Variants in PIK3R4 observed in about 807,000 individuals in gnomAD.
PIK3R4 encodes phosphoinositide-3-kinase regulatory subunit 4, also known as phosphoinositide 3-kinase regulatory subunit 4.
In PIK3R4, 46 loss-of-function variants were observed where a neutral mutation model predicts 136.5. The ratio of observed to expected loss-of-function variants is 0.34; its 90% confidence interval spans 0.27 to 0.43. PIK3R4 has a LOEUF of 0.43. Among genes scored for constraint, PIK3R4 ranks in the 20% least tolerant of loss-of-function variants. The pLI is 1.00. For missense variants in PIK3R4, 1,331 were observed against 1,649.5 expected, an observed-to-expected ratio of 0.81 and a Z score of 3.35; for synonymous variants, 557 against 566.7, an observed-to-expected ratio of 0.98 and a Z score of 0.24.
intron 9 of PIK3R4, among the ~76,000 whole-genome samples, chr3:130,712,560 C>A (rs2066638289): frequency 6.6e-6 from 1 of 151,810 alleles, no homozygotes; most frequent in African/African-American, 2.4e-5. Flanking sequence ...ACCAGCTACT[C>A]AGGGGGCTGA....
intron 7 of PIK3R4, among the ~76,000 whole-genome samples, chr3:130,720,403 C>T (rs990674293): frequency 6.6e-6 from 1 of 152,286 alleles, no homozygotes; most frequent in African/African-American, 2.4e-5. Flanking sequence ...CCATGTTGAT[C>T]AGGCTGGTCT....
intron 7 of PIK3R4, 112 bp downstream of exon 7, chr3:130,723,302 G>A: frequency 2.3e-6 from 2 of 862,840 alleles, no homozygotes; most frequent in Non-Finnish European, 3.6e-6. Context: ...ATCAATAGTA[G>A]GAACCCCACA....
intron 13 of PIK3R4, among the ~76,000 whole-genome samples, chr3:130,700,000 T>C (rs535382268): frequency 3.9e-4 from 60 of 152,314 alleles, no homozygotes; most frequent in African/African-American, 1.4e-3. Context: ...TCAATGGCAT[T>C]ATGAGGTTTT....
intron 16 of PIK3R4, among the ~76,000 whole-genome samples, chr3:130,682,848 GC>G (rs1180420595): frequency 2.0e-5 from 3 of 152,168 alleles, no homozygotes; most frequent in African/African-American, 7.2e-5. Context: ...CAGAGAGGTG[GC>G]AAGAAGGCCG....
chr3:130,731,228 A>T (rs1215558968), intron 4 of PIK3R4, among the ~76,000 whole-genome samples: 1 of 152,130 alleles, frequency 6.6e-6, no homozygotes, highest in African/African-American at 2.4e-5. Context: ...CAACCGGTCA[A>T]AGACTGTACT....
chr3:130,727,139 A>G (rs1396627018), intron 6 of PIK3R4, among the ~76,000 whole-genome samples: 1 of 152,218 alleles, frequency 6.6e-6, no homozygotes, highest in African/African-American at 2.4e-5. Context: ...CTGTTGCCAC[A>G]TAGGTTTCTT....
At chr3:130,680,351 G>GT (rs1005670777) in intron 19 of PIK3R4, among the ~76,000 whole-genome samples, 21 of 152,100 alleles carry the variant, frequency 1.4e-4, no homozygotes, top group African/African-American at 4.6e-4. Flanking sequence ...TTTTTCATTT[G>GT]TAAGAGGATA....
intron 9 of PIK3R4, among the ~76,000 whole-genome samples, chr3:130,711,082 A>C (rs1295924310): frequency 6.6e-6 from 1 of 152,106 alleles, no homozygotes; most frequent in Non-Finnish European, 1.5e-5. Context: ...AGTTATGGTA[A>C]CTAAGAAAGT....
rs2066770456 is a variant in PIK3R4, at chr3:130,733,641, G to A, written c.1357C>T (p.Arg453Cys). 6 of 1,613,992 alleles carry A rather than the reference G, an allele frequency of 3.7e-6. No individual in the cohort carries two copies. Among genetic ancestry groups the A allele is most frequent in the East Asian group, 2.2e-5 (1 of 44,880 alleles). The change falls in exon 4 of 20, where the codon CGT becomes TGT. Residue 453 changes from arginine (R) to cysteine (C), a missense_variant. Coordinates refer to ENST00000356763, the MANE Select transcript of PIK3R4 (RefSeq NM_014602.3). ...KVLALVKEVPRNDINIYPEYI... is the reference protein window; with the variant it reads ...KVLALVKEVPCNDINIYPEYI... ...TCCGGATAAATATTGATATCATTAC[G>A]AGGAACCTCTTTGACGAGAGCAAGA...
At chr3:130,708,230 A>C (rs966860241) in intron 10 of PIK3R4, 61 bp downstream of exon 10, 1 of 1,331,788 alleles carries the variant, frequency 7.5e-7, no homozygotes, top group African/African-American at 1.5e-5. Context: ...ATTAGCTAAA[A>C]AACAGTCTTA....
At chr3:130,715,946 T>C (rs187393637) in intron 9 of PIK3R4, among the ~76,000 whole-genome samples, 9 of 152,354 alleles carry the variant, frequency 5.9e-5, no homozygotes, top group African/African-American at 2.2e-4. Context: ...GCATTCTAAA[T>C]ACAAGTTATT....
chr3:130,728,256 C>T (rs552442388), intron 6 of PIK3R4, among the ~76,000 whole-genome samples: 15 of 152,200 alleles, frequency 9.9e-5, no homozygotes, highest in Admixed American at 3.3e-4. Context: ...TTCCTTCATA[C>T]GGATGTAACA....
chr3:130,737,684 G>C (rs2066793849), intron 2 of PIK3R4, among the ~76,000 whole-genome samples: 1 of 152,056 alleles, frequency 6.6e-6, no homozygotes, highest in Non-Finnish European at 1.5e-5. Context: ...GAAAGAAAAA[G>C]AAATGGATTT....
chr3:130,705,945 T>G (rs1463036331), intron 11 of PIK3R4, among the ~76,000 whole-genome samples, 174 bp from the exon 12 acceptor site: 1 of 151,740 alleles, frequency 6.6e-6, no homozygotes, highest in Non-Finnish European at 1.5e-5. Flanking sequence ...CCAGTTAAAA[T>G]GAAGTATAAC....
At chr3:130,707,401 A>G (rs983935137) in intron 10 of PIK3R4, among the ~76,000 whole-genome samples, 1 of 152,146 alleles carries the variant, frequency 6.6e-6, no homozygotes, top group Non-Finnish European at 1.5e-5. Context: ...AGCCAGCTCA[A>G]TTTCAAGTAA....
intron 13 of PIK3R4, among the ~76,000 whole-genome samples, chr3:130,701,905 T>G (rs78027865): frequency 0.21 from 31,330 of 151,094 alleles, 3,487 homozygotes; most frequent in South Asian, 0.36. Flanking sequence ...CTTGAGAGGG[T>G]AGGATCACTT....
Position 130,746,306 on chromosome 3 carries a change from A to G in PIK3R4, c.-47+12T>C, listed in dbSNP as rs879826483. ...TATACACACACGACCTTGAGCACAC[A>G]TAAACATTTACCCTAGGCCTCGGGA... On this transcript the variant is annotated intron_variant, in intron 1 of 19. Transcript: ENST00000356763. The G allele has an allele frequency of 2.0e-5, 3 of 152,284 alleles. No individual in the cohort carries two copies. The highest frequency in any genetic ancestry group is 4.4e-5 in the Non-Finnish European group (3 of 68,070). The allele number at this position is 152,284 out of a possible 1,614,324, so 9.4% of individuals were successfully genotyped here.
chr3:130,735,725 G>A (rs1203991451), intron 3 of PIK3R4, 144 bp downstream of exon 3: 2 of 603,970 alleles, frequency 3.3e-6, no homozygotes, highest in Non-Finnish European at 5.4e-6. Flanking sequence ...CCCTAACAAA[G>A]TAATAACAAA....
chr3:130,679,595 C>G (rs1182359801), intron 19 of PIK3R4, 110 bp from the exon 20 acceptor site: 2 of 695,852 alleles, frequency 2.9e-6, no homozygotes, highest in South Asian at 2.0e-5. Context: ...TAAGTTAACA[C>G]CTTTTGTAGT....
Sources: allele counts gnomAD v4.1 joint callset (sites outside exome capture counted in the v4.1 genomes callset), GRCh38; gene constraint gnomAD v4.1.1; transcripts MANE v1.5; gene names NCBI Gene and HGNC (gene_info 2026-07-23, HGNC 2026-07-21).